The following LRP2BP variants were observed in gnomAD, a reference collection of about 807,000 sequenced individuals.
LRP2BP encodes LRP2-binding protein.
In LRP2BP, 38 loss-of-function variants were observed where a neutral mutation model predicts 45.2. That is an observed-to-expected ratio of 0.84 (90% CI 0.65 to 1.10). LRP2BP has a LOEUF of 1.10. LRP2BP is among the 50% of genes least tolerant of loss of function. The pLI, the probability that LRP2BP is intolerant of heterozygous loss-of-function variation, is 0.00. For synonymous variants in LRP2BP, 153 were observed against 153.9 expected (o/e 0.99, Z 0.04); for missense variants, 385 against 418.9 (o/e 0.92, Z 0.71).
chr4:185,371,422 G>A (rs886761059), intron 7 of LRP2BP, among the ~76,000 whole-genome samples: 23 of 151,522 alleles, frequency 1.5e-4, no homozygotes, highest in African/African-American at 5.1e-4. Context: ...GGTGCCTGTA[G>A]TCCCAGCTAC....
At chr4:185,378,270 A>G in intron 1 of LRP2BP, 63 bp from the exon 2 acceptor site, 2 of 1,574,002 alleles carry the variant, frequency 1.3e-6, no homozygotes, top group Non-Finnish European at 1.7e-6. Flanking sequence ...GCAAAGAGAG[A>G]CTCTATTCCC....
At chr4:185,387,830 C>T (rs911693521) in intron 1 of LRP2BP, among the ~76,000 whole-genome samples, 4 of 152,190 alleles carry the variant, frequency 2.6e-5, no homozygotes, top group Non-Finnish European at 5.9e-5. Context: ...CCCCCAGCCC[C>T]GGGCCTTCTC....
intron 1 of LRP2BP, among the ~76,000 whole-genome samples, chr4:185,391,363 C>CT (rs1387755671): frequency 1.6e-4 from 25 of 152,200 alleles, no homozygotes; most frequent in Non-Finnish European, 3.1e-4. Context: ...TTCCCATACT[C>CT]TACTTTTTGG....
chr4:185,396,018 G>A, upstream of LRP2BP: 1 of 585,070 alleles, frequency 1.7e-6, no homozygotes, highest in Non-Finnish European at 2.2e-6. Flanking sequence ...CGCGGGGCCG[G>A]ACAGCGGCTT....
chr4:185,396,467 ACT>A (rs1340426355), upstream of LRP2BP: 1 of 160,942 alleles, frequency 6.2e-6, no homozygotes, highest in African/African-American at 2.4e-5. Flanking sequence ...GACGTGTCAA[ACT>A]CAGCGCGCCT....
At chr4:185,369,810 G>A (rs1390590752) in intron 8 of LRP2BP, 1 of 426,098 alleles carries the variant, frequency 2.3e-6, no homozygotes, top group Admixed American at 2.8e-5. Flanking sequence ...TCTGAAATAA[G>A]GCCTGAACTT....
intron 8 of LRP2BP, chr4:185,370,315 G>A (rs996132853): frequency 2.4e-5 from 6 of 249,186 alleles, no homozygotes; most frequent in African/African-American, 4.4e-5. Flanking sequence ...TAGAATGAAC[G>A]TATACATTCA....
intron 4 of LRP2BP, 126 bp downstream of exon 4, chr4:185,375,487 A>AAAAAATATGTAT (rs1554018308): frequency 1.7e-4 from 2 of 12,010 alleles, no homozygotes; most frequent in Non-Finnish European, 2.9e-4. Flanking sequence ...AAAAAAAAAA[A>AAAAAATATGTAT]ATATATATAT....
chr4:185,376,788 T>C (rs960329770), intron 3 of LRP2BP, 121 bp downstream of exon 3: 19 of 664,714 alleles, frequency 2.9e-5, no homozygotes, highest in African/African-American at 5.4e-5. Flanking sequence ...ACAGCCATAG[T>C]CGATGTAATT....
chr4:185,396,041 G>A (rs1165163256), upstream of LRP2BP: 7 of 369,856 alleles, frequency 1.9e-5, no homozygotes, highest in South Asian at 1.1e-4. Flanking sequence ...CCAGCCCCGC[G>A]GGTCCGAATC....
chr4:185,387,011 C>T (rs1044037560), intron 1 of LRP2BP, among the ~76,000 whole-genome samples: 2 of 152,152 alleles, frequency 1.3e-5, no homozygotes, highest in African/African-American at 4.8e-5. Context: ...TTTGGGAGGC[C>T]AAGGTGGGCA....
intron 1 of LRP2BP, among the ~76,000 whole-genome samples, chr4:185,392,403 A>G (rs6845326): frequency 0.6 from 90,868 of 152,028 alleles, 30,175 homozygotes; most frequent in East Asian, 0.83. Context: ...TGTTTAGAAT[A>G]ACTATCCAAT....
At chr4:185,381,159 CTTG>C (rs1269804071) in intron 1 of LRP2BP, among the ~76,000 whole-genome samples, 5 of 152,008 alleles carry the variant, frequency 3.3e-5, no homozygotes, top group Non-Finnish European at 5.9e-5. Context: ...GTTACTTTTT[CTTG>C]TTTTTTACAC....
chr4:185,371,540 T>TAAA (rs11288148), intron 7 of LRP2BP, among the ~76,000 whole-genome samples: 3 of 78,300 alleles, frequency 3.8e-5, no homozygotes, highest in African/African-American at 4.8e-5. Flanking sequence ...AGACTCCGTC[T>TAAA]AAAAAAAAAA....
At chr4:185,385,323 T>C (rs2095468016) in intron 1 of LRP2BP, among the ~76,000 whole-genome samples, 1 of 151,916 alleles carries the variant, frequency 6.6e-6, no homozygotes, top group Non-Finnish European at 1.5e-5. Flanking sequence ...CCCCCGGAGG[T>C]CAGCTAGTAA....
chr4:185,378,670 T>C (rs762745035), intron 1 of LRP2BP: 25 of 987,066 alleles, frequency 2.5e-5, no homozygotes, highest in Non-Finnish European at 3.0e-5. Flanking sequence ...TTTTAGCTGT[T>C]GTTGAGTTTT....
intron 1 of LRP2BP, among the ~76,000 whole-genome samples, chr4:185,387,824 C>CG (rs1325409395): frequency 3.9e-5 from 6 of 152,228 alleles, no homozygotes. Context: ...AGCCAGCCCC[C>CG]AGCCCCGGGC....
upstream of LRP2BP, chr4:185,396,639 C>G (rs936209871): frequency 5.2e-5 from 25 of 482,416 alleles, no homozygotes; most frequent in Non-Finnish European, 8.1e-5. Context: ...CGGATGGCCT[C>G]GCGCGCCCGC....
intron 1 of LRP2BP, among the ~76,000 whole-genome samples, chr4:185,389,070 G>C (rs989032299): frequency 2.6e-5 from 4 of 151,810 alleles, no homozygotes; most frequent in African/African-American, 9.7e-5. Context: ...AGTAGAGACA[G>C]GGTTTCACCA....
Sources: gnomAD v4.1 joint callset for allele counts (sites outside exome capture counted in the v4.1 genomes callset) on GRCh38, gnomAD v4.1.1 for gene constraint, MANE v1.5 for transcripts, NCBI Gene and HGNC (gene_info 2026-07-23, HGNC 2026-07-21) for gene names.